Variants in LRBA observed in about 807,000 individuals in gnomAD.
LRBA encodes the protein lipopolysaccharide-responsive and beige-like anchor protein.
A neutral mutation model predicts 330.0 loss-of-function variants in LRBA; 176 were observed. The ratio of observed to expected loss-of-function variants is 0.53; its 90% confidence interval spans 0.47 to 0.60. The LOEUF is 0.60. Among genes scored for constraint, LRBA ranks in the 20% least tolerant of loss-of-function variants. The pLI is 0.00. For missense variants in LRBA, 3,259 were observed against 3,444.8 expected (o/e 0.95, Z 1.35); for synonymous variants, 1,230 against 1,193.0 (o/e 1.03, Z -0.64).
At chr4:150,705,979 GTTGATACCAATAAAAGTTGGTA>G (rs1785577857) in intron 36 of LRBA, among the ~76,000 whole-genome samples, 1 of 151,952 alleles carries the variant, frequency 6.6e-6, no homozygotes, top group South Asian at 2.1e-4. Context: ...AAGTTGGTAA[GTTGATACCAATAAAAGTTGGTA>G]AAACTATCAA....
At chr4:150,468,934 A>G (rs916796635) in intron 43 of LRBA, among the ~76,000 whole-genome samples, 1 of 152,026 alleles carries the variant, frequency 6.6e-6, no homozygotes. Context: ...ATAAAACATC[A>G]TAACAATGAC....
chr4:150,862,962 G>C (rs1489984440), intron 22 of LRBA, among the ~76,000 whole-genome samples: 1 of 151,840 alleles, frequency 6.6e-6, no homozygotes, highest in Non-Finnish European at 1.5e-5. Context: ...CAGGGTGACA[G>C]AGCAAGACTC....
chr4:150,316,036 T>A (rs911031239), intron 50 of LRBA, among the ~76,000 whole-genome samples: 1 of 152,164 alleles, frequency 6.6e-6, no homozygotes, highest in Non-Finnish European at 1.5e-5. Context: ...TCTACAAAAA[T>A]GTCAACTTAT....
chr4:150,472,951 A>T (rs1756315460), intron 42 of LRBA, among the ~76,000 whole-genome samples: 1 of 152,156 alleles, frequency 6.6e-6, no homozygotes, highest in Non-Finnish European at 1.5e-5. Context: ...ATTCATGTAT[A>T]TATCTTTATA....
rs1034502101 is a variant in LRBA, at chr4:150,330,744, G to C, written c.7363-4846C>G. 5.3e-5 allele frequency among the ~76,000 whole-genome samples: 8 copies of C among 152,174 alleles called. No individual in the cohort carries two copies. In the South Asian group the frequency reaches 1.5e-3, roughly 28 times the overall value. ...GGTTCCTAACAGGCTGTGGCTCGGC[G>C]GTCAGGGACCCCTGCTAGAAGGGTC... On this transcript the variant is annotated intron_variant, in intron 48 of 56. Transcript: ENST00000651943.
chr4:150,892,948 T>A lies in LRBA; in HGVS notation c.2165+104A>T, dbSNP rs1050459669. 4.4e-6 allele frequency: 3 copies of A among 676,562 alleles called. No homozygotes were observed. In the African/African-American group the frequency reaches 5.4e-5, roughly 12 times the overall value. 41.9% of individuals were successfully genotyped at this position (676,562 alleles called of 1,614,324 possible). A position where few individuals can be genotyped will look rare whatever the true frequency, so the allele number is the denominator to read the frequency against. ...TTAAATCTTAACTCATTTCATGCTA[T>A]AAACTCATTTCATATGTAAGTTTAA... On this transcript the variant is annotated intron_variant, in intron 17 of 56. Transcript: ENST00000651943.
At chr4:150,446,563 C>T (rs1197536156) in intron 44 of LRBA, among the ~76,000 whole-genome samples, 2 of 152,150 alleles carry the variant, frequency 1.3e-5, no homozygotes, top group Non-Finnish European at 2.9e-5. Context: ...CCAATCCTGG[C>T]AAGGAAGGTC....
intron 37 of LRBA, among the ~76,000 whole-genome samples, chr4:150,609,903 A>G (rs1278657240): frequency 6.6e-6 from 1 of 152,160 alleles, no homozygotes; most frequent in Non-Finnish European, 1.5e-5. Flanking sequence ...AAGAGGTATG[A>G]TCCCATAAAA....
At chr4:150,411,009 A>G (rs1294627401) in intron 47 of LRBA, among the ~76,000 whole-genome samples, 2 of 152,114 alleles carry the variant, frequency 1.3e-5, no homozygotes, top group Non-Finnish European at 2.9e-5. Flanking sequence ...CCTTTTTCTC[A>G]TTTATATTTC....
In LRBA at chr4:150,668,880, G is replaced by A. The variant is rs577069276; in HGVS notation, c.5921+14671C>T. ...AAGAGCATAAAGAAAGAGTGTGAGAGTATGTAAGTGGCTGTGTATTAGAGG... is the reference window on the plus strand; with the variant it reads ...AAGAGCATAAAGAAAGAGTGTGAGAATATGTAAGTGGCTGTGTATTAGAGG... On this transcript the variant is annotated intron_variant, in intron 37 of 56. Transcript: ENST00000651943. 3.3e-5 allele frequency among the ~76,000 whole-genome samples: 5 copies of A among 152,166 alleles called. No homozygotes were observed. The South Asian group carries it at 1.0e-3, about 32-fold the overall frequency.
intron 2 of LRBA, among the ~76,000 whole-genome samples, chr4:150,961,706 G>C (rs912539556): frequency 2.7e-5 from 3 of 111,268 alleles, no homozygotes; most frequent in Non-Finnish European, 6.1e-5. Flanking sequence ...AGCTCCATCA[G>C]AGATTAAAAC....
intron 37 of LRBA, among the ~76,000 whole-genome samples, chr4:150,674,519 T>C (rs529743514): frequency 1.2e-4 from 19 of 152,220 alleles, no homozygotes; most frequent in African/African-American, 4.3e-4. Context: ...AATGAAATAA[T>C]GTTTGTAAAG....
intron 48 of LRBA, among the ~76,000 whole-genome samples, chr4:150,345,356 C>T (rs1736143743): frequency 6.6e-6 from 1 of 152,174 alleles, no homozygotes; most frequent in African/African-American, 2.4e-5. Flanking sequence ...TGCTTTCTTG[C>T]CTCACTTAAC....
At chr4:150,884,244 C>A (rs1291032748) in intron 17 of LRBA, among the ~76,000 whole-genome samples, 1 of 152,158 alleles carries the variant, frequency 6.6e-6, no homozygotes, top group Non-Finnish European at 1.5e-5. Context: ...GAGAAACCAG[C>A]AGCTTTGCTA....
intron 13 of LRBA, among the ~76,000 whole-genome samples, chr4:150,900,552 T>A (rs993573277): frequency 2.6e-5 from 4 of 152,222 alleles, no homozygotes; most frequent in African/African-American, 4.8e-5. Flanking sequence ...ATAATAGACT[T>A]ATTACTTATG....
At position 150,962,784 on chromosome 4, in the gene LRBA, T is replaced by A. The variant is rs767952710; in HGVS notation, c.217-33719A>T. ...GCCTGACCAACATGGTAGAACCCTG[T>A]CTCTACTAAAAATATAAAAATTAGC... On this transcript the variant is annotated intron_variant, in intron 2 of 56. Transcript: ENST00000651943. 3.9e-4 allele frequency among the ~76,000 whole-genome samples: 58 copies of A among 147,982 alleles called. 2 individuals carry two copies. Among genetic ancestry groups the A allele is most frequent in the Non-Finnish European group, 1.0e-4 (7 of 67,932 alleles).
intron 36 of LRBA, among the ~76,000 whole-genome samples, chr4:150,693,003 G>A (rs570456482): frequency 6.6e-6 from 1 of 152,184 alleles, no homozygotes; most frequent in African/African-American, 2.4e-5. Context: ...GCTAAACACT[G>A]AAAACAACCA....
rs1245136971 is a variant in LRBA, at chr4:150,310,311, G to A, written c.7767C>T (p.Cys2589=). 2 of 1,612,440 alleles carry A rather than the reference G, an allele frequency of 1.2e-6. No homozygotes were observed. The highest frequency in any genetic ancestry group is 1.7e-5 in the Admixed American group (1 of 59,906). ...AGCGGTTGTCTGAAGTGATGACAAA[G>A]CACTGGGAATGCACTTGAATACTTT... is the stretch of plus-strand genomic sequence containing the variant. ...LDQSIQVHSQ[C]FVITSDNRYI... Residue 2589 remains cysteine, a synonymous_variant, in exon 52 of 57, where the codon TGC becomes TGT. Transcript: ENST00000651943.
chr4:150,335,428 T>A (rs1734531205), intron 48 of LRBA, among the ~76,000 whole-genome samples: 2 of 149,034 alleles, frequency 1.3e-5, no homozygotes, highest in Non-Finnish European at 3.0e-5. Context: ...CACACATATA[T>A]ACATATATAT....
Sources: allele counts gnomAD v4.1 joint callset (sites outside exome capture counted in the v4.1 genomes callset), GRCh38; gene constraint gnomAD v4.1.1; transcripts MANE v1.5; gene names NCBI Gene and HGNC (gene_info 2026-07-23, HGNC 2026-07-21).